Variants in MICAL2 observed in about 807,000 individuals in gnomAD.
MICAL2 encodes the protein microtubule associated monooxygenase, calponin and LIM domain containing 2.
In MICAL2, 77 loss-of-function variants were observed where a neutral mutation model predicts 127.3. That is an observed-to-expected ratio of 0.60 (90% CI 0.50 to 0.73). MICAL2 has a LOEUF of 0.73. Among genes scored for constraint, MICAL2 ranks in the 30% least tolerant of loss-of-function variants. The pLI is 0.00. For missense variants in MICAL2, 1,351 were observed against 1,434.4 expected (o/e 0.94, Z 0.94); for synonymous variants, 570 against 551.1 (o/e 1.03, Z -0.48).
Position 12,258,532 on chromosome 11 carries a change from G to C in MICAL2, c.3207G>C (p.Arg1069=), listed in dbSNP as rs377311550. The C allele has an allele frequency of 6.2e-7, 1 of 1,613,932 alleles. No individual in the cohort carries two copies. The highest frequency in any genetic ancestry group is 1.3e-5 in the African/African-American group (1 of 74,932). ...CCAATAGCAAACAACGGAAGAGACG[G>C]GCAGAGTTGAAGCAACAAAGAGAGG... The part of the protein sequence containing the change: ...CKTNSKQRKR[R]AELKQQREEE... The change falls in exon 25 of 28, where the codon CGG becomes CGC. Residue 1069 remains arginine (R), a synonymous_variant. Transcript: ENST00000683283.
chr11:12,339,977 T>A lies in MICAL2; in HGVS notation c.5516-9861T>A, dbSNP rs190813952. Among the ~76,000 whole-genome samples, 105 of 152,218 alleles carry A rather than the reference T, an allele frequency of 6.9e-4. No homozygotes were observed. The East Asian group carries it at 0.014, about 20-fold the overall frequency. On this transcript the variant is annotated intron_variant, in intron 32 of 34. Transcript: ENST00000646065. ...AACCACTACTCTCTTCAAAGCTCAG[T>A]TGGAAATGCAGAAATCACCCATCTT...
At chr11:12,318,243 T>C (rs1864252358) in intron 29 of MICAL2, among the ~76,000 whole-genome samples, 3 of 152,208 alleles carry the variant, frequency 2.0e-5, no homozygotes, top group Non-Finnish European at 4.4e-5. Context: ...GGTAAAATTA[T>C]TTCCTCAAGG....
chr11:12,354,837 G>A lies in MICAL2; in HGVS notation c.5669G>A (p.Arg1890Lys), dbSNP rs772119358. 16 of 1,613,912 alleles carry A rather than the reference G, an allele frequency of 9.9e-6. No individual in the cohort carries two copies. The East Asian group carries it at 2.5e-4, about 25-fold the overall frequency. ...CAAAGCAGACTGGAGCAGAAACTGA[G>A]AGAGAAAATGCTCAAGGAGGGTGAG... The change falls in exon 34 of 35, where the codon AGA becomes AAA. Residue 1890 changes from arginine to lysine, a missense_variant. By Grantham distance (26) the Arg-to-Lys change is conservative (BLOSUM62 2). Transcript: ENST00000646065.
intron 32 of MICAL2, among the ~76,000 whole-genome samples, chr11:12,337,722 A>G (rs1211395753): frequency 3.9e-5 from 6 of 152,166 alleles, no homozygotes; most frequent in Middle Eastern, 3.4e-3. Flanking sequence ...CCCAGTAGTC[A>G]TTCAGGAGCA....
At chr11:12,253,934 C>T (rs977820059) in intron 22 of MICAL2, 1 of 152,170 alleles carries the variant, frequency 6.6e-6, no homozygotes, top group Admixed American at 6.5e-5. Flanking sequence ...GCCTCTCCGC[C>T]CTTGTAGGTC....
At chr11:12,313,983 T>TTTTG (rs1555020731) in intron 29 of MICAL2, among the ~76,000 whole-genome samples, 108 of 127,612 alleles carry the variant, frequency 8.5e-4, no homozygotes, top group East Asian at 3.8e-3. Flanking sequence ...TTTTTTTTTT[T>TTTTG]GATAGCTATA....
chr11:12,349,668 G>A (rs1589923021), intron 32 of MICAL2, among the ~76,000 whole-genome samples: 2 of 152,152 alleles, frequency 1.3e-5, no homozygotes, highest in South Asian at 2.1e-4. Context: ...ATGCACAGGT[G>A]GGTTTTATTT....
chr11:12,245,832 C>A (rs556210117), intron 21 of MICAL2, among the ~76,000 whole-genome samples: 59 of 152,302 alleles, frequency 3.9e-4, no homozygotes, highest in Admixed American at 2.2e-3. Flanking sequence ...GGGACCTTCC[C>A]CAGGGTATAC....
chr11:12,280,539 C>T (rs1863760855), intron 1 of MICAL2, among the ~76,000 whole-genome samples: 1 of 152,156 alleles, frequency 6.6e-6, no homozygotes, highest in South Asian at 2.1e-4. Flanking sequence ...TGTTCCAGGC[C>T]TCCCTCTTTA....
downstream of MICAL2, chr11:12,294,482 C>T (rs113400332): frequency 1.6e-4 from 258 of 1,614,216 alleles, 1 homozygote; most frequent in African/African-American, 2.3e-3. Context: ...TTTGCCCAAT[C>T]GGCCATCCAA....
At chr11:12,346,616 T>A (rs951989421) in intron 32 of MICAL2, among the ~76,000 whole-genome samples, 13 of 152,210 alleles carry the variant, frequency 8.5e-5, no homozygotes, top group Non-Finnish European at 5.9e-5. Context: ...TGCTGTCTCC[T>A]CTCTGAGGCT....
chr11:12,173,176 C>T (rs1274184256), intron 3 of MICAL2, among the ~76,000 whole-genome samples: 1 of 152,158 alleles, frequency 6.6e-6, no homozygotes, highest in East Asian at 1.9e-4. Flanking sequence ...TTCACTGCAA[C>T]CTGGCGTATT....
chr11:12,258,696 C>A, intron 25 of MICAL2, 140 bp downstream of exon 25: 1 of 742,438 alleles, frequency 1.3e-6, no homozygotes, highest in Non-Finnish European at 2.2e-6. Context: ...CCTCTGCTTC[C>A]TGGTGTGGAG....
rs533169014 is a variant in MICAL2 at position 12,260,798 on chromosome 11, G to A, written c.3334+901G>A. On this transcript the variant is annotated intron_variant, in intron 26 of 27. Coordinates refer to ENST00000683283, the MANE Select transcript of MICAL2 (RefSeq NM_001282663.2). ...GTCCCCCTGGGAGGAGGACTGTTTT[G>A]CTCCCTTGTTTTGATGTTAAACAGT... 4.7e-5 allele frequency: 46 copies of A among 985,424 alleles called. No homozygotes were observed. The African/African-American group carries it at 7.8e-4, about 17-fold the overall frequency. The allele number at this position is 985,424 out of a possible 1,614,324, so 61.0% of individuals were successfully genotyped here. A position where few individuals can be genotyped will look rare whatever the true frequency, so the allele number is the denominator to read the frequency against.
At chr11:12,341,343 C>T (rs1036826304) in intron 32 of MICAL2, among the ~76,000 whole-genome samples, 1 of 151,764 alleles carries the variant, frequency 6.6e-6, no homozygotes, top group Admixed American at 6.6e-5. Context: ...AAAATCACAT[C>T]AAAAGAGATA....
intron 3 of MICAL2, among the ~76,000 whole-genome samples, chr11:12,178,920 CAT>C (rs1016202578): frequency 1.1e-4 from 16 of 152,212 alleles, no homozygotes; most frequent in South Asian, 4.2e-4. Context: ...CAGTTCTCTT[CAT>C]GCTTGTCCCC....
chr11:12,251,322 C>A (rs1315978235), intron 22 of MICAL2, among the ~76,000 whole-genome samples: 6 of 152,118 alleles, frequency 3.9e-5, no homozygotes, highest in Non-Finnish European at 5.9e-5. Context: ...GCCGGTAAGG[C>A]CGTCCTGCTG....
At chr11:12,333,721 A>G (rs150248938) in intron 32 of MICAL2, among the ~76,000 whole-genome samples, 38 of 152,328 alleles carry the variant, frequency 2.5e-4, no homozygotes, top group Admixed American at 8.5e-4. Context: ...TTGCATTTCA[A>G]TATCTCAGCA....
rs138472995 is a variant in MICAL2, at chr11:12,214,024, G to T, written c.847+614G>T. 3.6e-3 allele frequency among the ~76,000 whole-genome samples: 547 copies of T among 152,294 alleles called. 6 individuals carry two copies. The highest frequency in any genetic ancestry group is 0.014 in the Middle Eastern group (4 of 294). On this transcript the variant is annotated intron_variant, in intron 7 of 27. Coordinates refer to ENST00000683283, the MANE Select transcript of MICAL2 (RefSeq NM_001282663.2). Reference sequence around the variant, plus strand: ...GAATGCCTACTGTGTGCCAGATGCTGTTCTAGGGCTTGAGAATGAGCAGTG... The same window carrying T: ...GAATGCCTACTGTGTGCCAGATGCTTTTCTAGGGCTTGAGAATGAGCAGTG...
Sources: gnomAD v4.1 joint callset for allele counts (sites outside exome capture counted in the v4.1 genomes callset) on GRCh38, gnomAD v4.1.1 for gene constraint, MANE v1.5 for transcripts, NCBI Gene and HGNC (gene_info 2026-07-23, HGNC 2026-07-21) for gene names.